Variants in TMPRSS15 observed in about 807,000 individuals in gnomAD.
TMPRSS15 encodes enteropeptidase.
In TMPRSS15, 128 loss-of-function variants were observed where a neutral mutation model predicts 125.3. That is an observed-to-expected ratio of 1.02 (90% confidence interval 0.89 to 1.18). The LOEUF (loss-of-function observed/expected upper bound fraction) is 1.18, where lower values mean the gene tolerates loss of function less well. TMPRSS15 is among the 50% of genes most tolerant of loss of function. TMPRSS15 has a pLI of 0.00. For missense variants in TMPRSS15, 1,283 were observed against 1,212.7 expected, an observed-to-expected ratio of 1.06 and a Z score of -0.86; for synonymous variants, 446 against 423.2, an observed-to-expected ratio of 1.05 and a Z score of -0.66.
intron 18 of TMPRSS15, among the ~76,000 whole-genome samples, chr21:18,300,361 T>A (rs1488640803): frequency 6.6e-6 from 1 of 151,268 alleles, no homozygotes; most frequent in Non-Finnish European, 1.5e-5. Flanking sequence ...TTTCTCTTTT[T>A]TTTTTTTGGA....
At chr21:18,277,451 C>A (rs2074635726) in intron 23 of TMPRSS15, among the ~76,000 whole-genome samples, 1 of 152,220 alleles carries the variant, frequency 6.6e-6, no homozygotes, top group Middle Eastern at 3.4e-3. Flanking sequence ...AAATATCTAT[C>A]TAGGAATCAT....
At chr21:18,291,330 C>T (rs547275353) in intron 21 of TMPRSS15, among the ~76,000 whole-genome samples, 4 of 152,326 alleles carry the variant, frequency 2.6e-5, no homozygotes, top group Non-Finnish European at 5.9e-5. Flanking sequence ...CTTCCAAATC[C>T]TTCTTTTAAG....
chr21:18,384,084 T>G (rs2075919870), intron 3 of TMPRSS15, among the ~76,000 whole-genome samples: 1 of 152,210 alleles, frequency 6.6e-6, no homozygotes, highest in Admixed American at 6.5e-5. Context: ...GACCCTTGTG[T>G]TAAAATCACG....
At chr21:18,375,105 A>G (rs576107503) in intron 5 of TMPRSS15, among the ~76,000 whole-genome samples, 1 of 152,368 alleles carries the variant, frequency 6.6e-6, no homozygotes, top group Admixed American at 6.5e-5. Context: ...AAACTATTTC[A>G]TAAACATTCT....
At chr21:18,413,312 T>TTTCTTTCTTTTCCTTCC (rs1555911458) in intron 1 of TMPRSS15, among the ~76,000 whole-genome samples, 1 of 94,798 alleles carries the variant, frequency 1.1e-5, no homozygotes, top group Non-Finnish European at 2.1e-5. Context: ...TTTTCTTTCT[T>TTTCTTTCTTTTCCTTCC]TTCCTTCCTT....
At chr21:18,421,310 G>A (rs1481862266) in intron 1 of TMPRSS15, among the ~76,000 whole-genome samples, 1 of 152,138 alleles carries the variant, frequency 6.6e-6, no homozygotes, top group Non-Finnish European at 1.5e-5. Context: ...AGTTTGCATA[G>A]AGGTTGAAAG....
chr21:18,393,310 G>T (rs1212621529), intron 3 of TMPRSS15, among the ~76,000 whole-genome samples: 2 of 151,994 alleles, frequency 1.3e-5, no homozygotes, highest in African/African-American at 4.8e-5. Context: ...GAAATAATTT[G>T]GTGATAATAA....
chr21:18,386,600 A>C (rs550872923), intron 3 of TMPRSS15, among the ~76,000 whole-genome samples: 2 of 151,016 alleles, frequency 1.3e-5, no homozygotes, highest in Non-Finnish European at 3.0e-5. Context: ...TTTTCCTCCT[A>C]CTCCTTTTTC....
At chr21:18,372,098 A>ATG (rs56932398) in intron 6 of TMPRSS15, 95 bp downstream of exon 6, 100,283 of 534,058 alleles carry the variant, frequency 0.19, 3,538 homozygotes, top group East Asian at 0.36. Flanking sequence ...TGAGATTAGA[A>ATG]TGTGTGTGTG....
At chr21:18,377,087 T>C (rs1452243466) in intron 5 of TMPRSS15, among the ~76,000 whole-genome samples, 2 of 152,100 alleles carry the variant, frequency 1.3e-5, no homozygotes, top group Non-Finnish European at 2.9e-5. Flanking sequence ...TATCTTGCCG[T>C]ATGAGAGGAA....
At chr21:18,283,811 A>G (rs1232823819) in intron 21 of TMPRSS15, among the ~76,000 whole-genome samples, 3 of 152,198 alleles carry the variant, frequency 2.0e-5, no homozygotes, top group African/African-American at 4.8e-5. Context: ...CTAAACTCCC[A>G]AATTCTTCTT....
chr21:18,367,451 A>G (rs2075749144), intron 6 of TMPRSS15, among the ~76,000 whole-genome samples: 1 of 152,208 alleles, frequency 6.6e-6, no homozygotes, highest in Admixed American at 6.5e-5. Flanking sequence ...AAACCATGCC[A>G]AACAAGCAGG....
chr21:18,329,876 T>C (rs1390037011), intron 14 of TMPRSS15, among the ~76,000 whole-genome samples: 1 of 151,966 alleles, frequency 6.6e-6, no homozygotes, highest in African/African-American at 2.4e-5. Flanking sequence ...TCTCATTCTG[T>C]ATTAGTTTTC....
upstream of TMPRSS15, among the ~76,000 whole-genome samples, chr21:18,404,314 C>T (rs1601448280): frequency 6.6e-6 from 1 of 152,188 alleles, no homozygotes; most frequent in African/African-American, 2.4e-5. Context: ...TATGGCTACT[C>T]TTTATGGCCT....
chr21:18,346,570 T>G (rs1299419037), intron 10 of TMPRSS15, among the ~76,000 whole-genome samples: 1 of 152,224 alleles, frequency 6.6e-6, no homozygotes, highest in African/African-American at 2.4e-5. Flanking sequence ...TTCAGTTTGC[T>G]TCTTTAATTT....
At chr21:18,441,310 C>A (rs1348218388) in intron 1 of TMPRSS15, among the ~76,000 whole-genome samples, 2 of 148,696 alleles carry the variant, frequency 1.3e-5, no homozygotes, top group Admixed American at 6.7e-5. Context: ...CAAAACAAAA[C>A]CAAAAAAACA....
intron 15 of TMPRSS15, among the ~76,000 whole-genome samples, chr21:18,327,681 T>G (rs1373830929): frequency 6.6e-6 from 1 of 152,194 alleles, no homozygotes; most frequent in Non-Finnish European, 1.5e-5. Context: ...GATCAGATTT[T>G]ACAATACATG....
chr21:18,474,400 C>T (rs1391599946), intron 1 of TMPRSS15, among the ~76,000 whole-genome samples: 1 of 151,784 alleles, frequency 6.6e-6, no homozygotes, highest in Non-Finnish European at 1.5e-5. Context: ...AAGTGATTCT[C>T]CTGCCTCAGT....
chr21:18,466,738 G>C (rs1400713201), intron 1 of TMPRSS15, among the ~76,000 whole-genome samples: 1 of 151,996 alleles, frequency 6.6e-6, no homozygotes, highest in African/African-American at 2.4e-5. Flanking sequence ...TTAGAATGGT[G>C]ATCATTAAAG....
Sources: gnomAD v4.1 joint callset for allele counts (sites outside exome capture counted in the v4.1 genomes callset) on GRCh38, gnomAD v4.1.1 for gene constraint, MANE v1.5 for transcripts, NCBI Gene and HGNC (gene_info 2026-07-23, HGNC 2026-07-21) for gene names.